The following PDIA5 variants were observed in gnomAD, a reference collection of about 807,000 sequenced individuals.
The protein encoded by PDIA5 is protein disulfide-isomerase A5.
PDIA5 carries 58 observed loss-of-function variants against 77.6 expected under a neutral mutation model. The observed-to-expected ratio is 0.75, with a 90% CI of 0.61 to 0.93. The LOEUF is 0.93. Among genes scored for constraint, PDIA5 ranks in the 40% least tolerant of loss-of-function variants. The probability of loss-of-function intolerance (pLI) is 0.00; values close to 1 mark genes in which losing one functional copy is unlikely to be tolerated. For missense variants in PDIA5, 630 were observed against 647.7 expected (o/e 0.97, Z 0.30); for synonymous variants, 250 against 252.1 (o/e 0.99, Z 0.08).
In PDIA5 at chr3:123,131,276, C is replaced by T. The variant is rs1043771401; in HGVS notation, c.910+660C>T. Among the ~76,000 whole-genome samples the T allele has an allele frequency of 4.0e-5, 6 of 151,814 alleles. No homozygotes were observed. In the East Asian group the frequency reaches 5.8e-4, roughly 15 times the overall value. On this transcript the variant is annotated intron_variant, in intron 11 of 16. Transcript: ENST00000316218. ...CCAAACAAGACCCTGTCTCATTAGC[C>T]GGGCGTGGTGGCGTGCACCTATAAT...
intron 11 of PDIA5, among the ~76,000 whole-genome samples, chr3:123,133,653 A>G (rs1184227808): frequency 1.3e-5 from 2 of 152,158 alleles, no homozygotes; most frequent in East Asian, 3.8e-4. Context: ...GAGGGTATGT[A>G]CTTGTTTTTA....
intron 1 of PDIA5, among the ~76,000 whole-genome samples, chr3:123,083,502 CAGA>C (rs1320905950): frequency 6.6e-6 from 1 of 152,128 alleles, no homozygotes; most frequent in Admixed American, 6.5e-5. Flanking sequence ...TGGAGAAGGT[CAGA>C]AGGAGTTTGC....
chr3:123,077,748 T>C (rs1335175282), intron 1 of PDIA5, among the ~76,000 whole-genome samples: 2 of 152,146 alleles, frequency 1.3e-5, no homozygotes, highest in Non-Finnish European at 2.9e-5. Context: ...TGGTGGCTCA[T>C]GGCAGATGTT....
chr3:123,111,483 G>A (rs1406667388), intron 7 of PDIA5, among the ~76,000 whole-genome samples: 1 of 152,272 alleles, frequency 6.6e-6, no homozygotes, highest in Non-Finnish European at 1.5e-5. Context: ...GGGACCAGGA[G>A]CAGAGAGAAA....
chr3:123,127,875 C>T (rs763004721), intron 10 of PDIA5, among the ~76,000 whole-genome samples: 3 of 152,146 alleles, frequency 2.0e-5, no homozygotes, highest in Non-Finnish European at 4.4e-5. Context: ...TCCTGTTCAA[C>T]GAGCATGTAT....
intron 7 of PDIA5, 100 bp downstream of exon 7, chr3:123,111,104 G>A (rs1934853185): frequency 3.6e-6 from 3 of 834,548 alleles, no homozygotes; most frequent in Admixed American, 3.9e-5. Flanking sequence ...GATTAGCCTG[G>A]GTGCCTGGCT....
chr3:123,073,825 G>A (rs974567876), intron 1 of PDIA5, among the ~76,000 whole-genome samples: 2 of 152,194 alleles, frequency 1.3e-5, no homozygotes, highest in African/African-American at 4.8e-5. Context: ...ACCCCTTGGC[G>A]CAGGCAGATT....
chr3:123,156,558 C>T (rs886723497), intron 15 of PDIA5, among the ~76,000 whole-genome samples: 4 of 152,184 alleles, frequency 2.6e-5, no homozygotes, highest in African/African-American at 7.2e-5. Flanking sequence ...TCCACAGGAC[C>T]GGAATAGCTG....
chr3:123,098,988 C>A (rs1934514059), intron 3 of PDIA5, among the ~76,000 whole-genome samples: 1 of 152,242 alleles, frequency 6.6e-6, no homozygotes, highest in Admixed American at 6.5e-5. Flanking sequence ...AGGTAATTTT[C>A]TCCCATACTT....
At chr3:123,130,093 C>G (rs899147603) in intron 10 of PDIA5, among the ~76,000 whole-genome samples, 38 of 152,164 alleles carry the variant, frequency 2.5e-4, no homozygotes, top group African/African-American at 8.9e-4. Context: ...TGAGCTTTTC[C>G]AAAGGTCACC....
chr3:123,096,814 G>A (rs1256573347), intron 3 of PDIA5, among the ~76,000 whole-genome samples: 1 of 152,222 alleles, frequency 6.6e-6, no homozygotes, highest in Non-Finnish European at 1.5e-5. Flanking sequence ...TTGTGTGTGC[G>A]GGAGTTGGTA....
chr3:123,073,275 G>A (rs1229051993), intron 1 of PDIA5, among the ~76,000 whole-genome samples: 2 of 152,350 alleles, frequency 1.3e-5, no homozygotes, highest in Admixed American at 6.5e-5. Context: ...GAAGCAACAT[G>A]TCCTTAGACG....
In PDIA5 at chr3:123,124,322, A is replaced by G. The variant is rs1935192246; in HGVS notation, c.752A>G (p.Asp251Gly). Reference sequence around the variant, plus strand: ...GACAACTATGGGTCCACAGCTGAGGACATTGTGGAGTGGCTGAAGAAGTAA... The same window carrying G: ...GACAACTATGGGTCCACAGCTGAGGGCATTGTGGAGTGGCTGAAGAAGTAA... Reference protein sequence around the residue: ...QYDNYGSTAEDIVEWLKNPQP... With the variant: ...QYDNYGSTAEGIVEWLKNPQP... Residue 251 changes from aspartate (D) to glycine (G), a missense_variant, in exon 10 of 17, where the codon GAC (aspartate) becomes GGC (glycine). Physicochemically the swap from Asp to Gly is moderately conservative, Grantham distance 94 (BLOSUM62 -1). Transcript: ENST00000316218. 6.2e-7 allele frequency: 1 copy of G among 1,613,394 alleles called. No individual in the cohort carries two copies. The highest frequency in any genetic ancestry group is 8.5e-7 in the Non-Finnish European group (1 of 1,179,470).
intron 7 of PDIA5, 127 bp downstream of exon 7, chr3:123,111,131 ATC>A (rs1325850653): frequency 2.8e-6 from 2 of 706,488 alleles, no homozygotes. Flanking sequence ...GCTGAATCTC[ATC>A]TCTCCATCTG....
At chr3:123,096,943 T>A (rs1934458989) in intron 3 of PDIA5, among the ~76,000 whole-genome samples, 1 of 152,196 alleles carries the variant, frequency 6.6e-6, no homozygotes, top group East Asian at 1.9e-4. Context: ...TTCCCGAGGC[T>A]GCGTCTCACA....
intron 2 of PDIA5, among the ~76,000 whole-genome samples, chr3:123,090,921 C>T (rs985757472): frequency 3.3e-5 from 5 of 152,296 alleles, no homozygotes; most frequent in South Asian, 4.2e-4. Context: ...GCCTGCTGCA[C>T]GAGAGACATG....
intron 1 of PDIA5, among the ~76,000 whole-genome samples, chr3:123,081,589 A>G (rs999883544): frequency 2.0e-5 from 3 of 152,244 alleles, no homozygotes; most frequent in Admixed American, 1.3e-4. Flanking sequence ...AGTTCTTAAC[A>G]TAAGGGTATC....
In PDIA5 at chr3:123,150,217, C is replaced by A. The variant is rs753666590; in HGVS notation, c.1143-17C>A. 12 of 1,602,542 alleles carry A rather than the reference C, an allele frequency of 7.5e-6. No homozygotes were observed. The South Asian group carries it at 1.3e-4, about 18-fold the overall frequency. On this transcript the variant is annotated splice_polypyrimidine_tract_variant and intron_variant, in intron 13 of 16. Transcript: ENST00000316218. ...CTCTCCTTATGGCTGCCTCCCCACT[C>A]CCCTGGCTTCTTGCAGCCCTGAGGC...
At chr3:123,110,905 T>C (rs756558329) in intron 6 of PDIA5, 39 bp from the exon 7 acceptor site, 38 of 1,548,412 alleles carry the variant, frequency 2.5e-5, no homozygotes, top group Middle Eastern at 1.7e-4. Context: ...TGTTACTGTG[T>C]TGTGTGCGAG....
Sources: allele counts gnomAD v4.1 joint callset (sites outside exome capture counted in the v4.1 genomes callset), GRCh38; gene constraint gnomAD v4.1.1; transcripts MANE v1.5; gene names NCBI Gene and HGNC (gene_info 2026-07-23, HGNC 2026-07-21).